The following LSAMP variants were observed in gnomAD, a reference collection of about 807,000 sequenced individuals.
The protein encoded by LSAMP is limbic system-associated membrane protein.
LSAMP carries 7 observed loss-of-function variants against 38.6 expected under a neutral mutation model. The ratio of observed to expected loss-of-function variants is 0.18; its 90% CI spans 0.10 to 0.34. The LOEUF is 0.34. Ranked by LOEUF, LSAMP falls within the 10% of genes least tolerant of loss-of-function variation. The pLI is 1.00. For synonymous variants in LSAMP, 154 were observed against 166.8 expected (o/e 0.92, Z 0.59); for missense variants, 313 against 420.0 (o/e 0.75, Z 2.23).
chr3:116,348,172 A>G (rs2048089012), intron 1 of LSAMP, among the ~76,000 whole-genome samples: 1 of 152,056 alleles, frequency 6.6e-6, no homozygotes, highest in Non-Finnish European at 1.5e-5. Context: ...CAATTTTACA[A>G]TTGAATAAAT....
intron 1 of LSAMP, among the ~76,000 whole-genome samples, chr3:116,207,392 T>C (rs1336408422): frequency 6.6e-6 from 1 of 152,028 alleles, no homozygotes; most frequent in African/African-American, 2.4e-5. Flanking sequence ...TTGGAGCATT[T>C]AGTCCATTTA....
chr3:116,329,076 T>C (rs2047814586), intron 1 of LSAMP, among the ~76,000 whole-genome samples: 1 of 152,118 alleles, frequency 6.6e-6, no homozygotes, highest in Non-Finnish European at 1.5e-5. Context: ...AATTTATAAA[T>C]TATTGGGTAG....
At chr3:116,302,296 T>A (rs2047421049) in intron 1 of LSAMP, among the ~76,000 whole-genome samples, 1 of 152,200 alleles carries the variant, frequency 6.6e-6, no homozygotes. Context: ...CTAACTTTTT[T>A]CCCCCATGAC....
intron 1 of LSAMP, among the ~76,000 whole-genome samples, chr3:116,087,045 A>C (rs772404422): frequency 7.2e-5 from 11 of 152,290 alleles, no homozygotes; most frequent in Admixed American, 2.0e-4. Flanking sequence ...TTTACTTCTA[A>C]TCTTTACAAG....
At chr3:116,217,097 C>G (rs548891142) in intron 1 of LSAMP, among the ~76,000 whole-genome samples, 45 of 152,314 alleles carry the variant, frequency 3.0e-4, no homozygotes, top group South Asian at 1.0e-3. Flanking sequence ...TCTCCAAAGG[C>G]TGTTTTAATT....
At chr3:116,392,343 T>C in intron 1 of LSAMP, among the ~76,000 whole-genome samples, 1 of 152,200 alleles carries the variant, frequency 6.6e-6, no homozygotes, top group East Asian at 1.9e-4. Context: ...CTGCTCCCAC[T>C]GCCTGGCTTC....
chr3:116,290,127 C>G (rs2047244884), intron 1 of LSAMP, among the ~76,000 whole-genome samples: 1 of 152,112 alleles, frequency 6.6e-6, no homozygotes, highest in African/African-American at 2.4e-5. Flanking sequence ...TCTAGAATGG[C>G]ACCTTTGAGT....
In LSAMP at chr3:116,168,360, T is replaced by C. The variant is rs1576407330; in HGVS notation, c.156-81804A>G. ...AGAATCAAAGAACATTCATTTACAT[T>C]TGAAACAAGAGAGAAAAAAAAACCC... On this transcript the variant is annotated intron_variant, in intron 1 of 6. Coordinates refer to ENST00000490035, the MANE Select transcript of LSAMP (RefSeq NM_002338.5). 2.0e-5 allele frequency among the ~76,000 whole-genome samples: 3 copies of C among 152,284 alleles called. No individual in the cohort carries two copies. The South Asian group carries it at 6.2e-4, about 32-fold the overall frequency.
At chr3:116,259,974 T>G (rs1274993460) in intron 1 of LSAMP, among the ~76,000 whole-genome samples, 1 of 152,158 alleles carries the variant, frequency 6.6e-6, no homozygotes, top group African/African-American at 2.4e-5. Context: ...TTCCAGATTC[T>G]CTTTTTCTCT....
At chr3:116,219,213 C>G (rs964249287) in intron 1 of LSAMP, among the ~76,000 whole-genome samples, 4 of 152,162 alleles carry the variant, frequency 2.6e-5, no homozygotes, top group Non-Finnish European at 2.9e-5. Flanking sequence ...ATTTGTCTCT[C>G]TGTGACTGCC....
At chr3:116,289,458 T>C (rs1262300165) in intron 1 of LSAMP, among the ~76,000 whole-genome samples, 1 of 152,206 alleles carries the variant, frequency 6.6e-6, no homozygotes, top group Admixed American at 6.5e-5. Context: ...ATTTACAGCA[T>C]GCCTTAGTTT....
intron 1 of LSAMP, among the ~76,000 whole-genome samples, chr3:116,158,990 A>G (rs1709821947): frequency 6.6e-6 from 1 of 152,200 alleles, no homozygotes; most frequent in African/African-American, 2.4e-5. Flanking sequence ...GACAAAGTCA[A>G]CAAAAACAAG....
chr3:116,273,369 T>C (rs979901392), intron 1 of LSAMP, among the ~76,000 whole-genome samples: 13 of 151,736 alleles, frequency 8.6e-5, no homozygotes, highest in Admixed American at 3.3e-4. Flanking sequence ...AATAGAAAAC[T>C]GAGAGAAGTA....
At chr3:115,822,889 G>T (rs575527213) in intron 6 of LSAMP, among the ~76,000 whole-genome samples, 2 of 152,178 alleles carry the variant, frequency 1.3e-5, no homozygotes, top group East Asian at 1.9e-4. Flanking sequence ...CTTCAGTTTG[G>T]TGCTCTGTCA....
intron 1 of LSAMP, among the ~76,000 whole-genome samples, chr3:116,440,687 A>G (rs959449771): frequency 1.3e-5 from 2 of 152,236 alleles, no homozygotes; most frequent in African/African-American, 2.4e-5. Context: ...TAGATGATAT[A>G]TAGTATGCTA....
intron 3 of LSAMP, among the ~76,000 whole-genome samples, chr3:115,908,313 C>T (rs1937059421): frequency 6.6e-6 from 1 of 152,070 alleles, no homozygotes; most frequent in African/African-American, 2.4e-5. Flanking sequence ...TTACCCTAAA[C>T]TTTACAAAAG....
At chr3:115,961,690 A>G (rs1938630244) in intron 3 of LSAMP, among the ~76,000 whole-genome samples, 1 of 151,778 alleles carries the variant, frequency 6.6e-6, no homozygotes, top group African/African-American at 2.4e-5. Context: ...TCCTTCCTCC[A>G]CTCTCTTCTG....
chr3:115,902,575 A>T (rs1936903906), intron 3 of LSAMP, among the ~76,000 whole-genome samples: 1 of 152,206 alleles, frequency 6.6e-6, no homozygotes, highest in Admixed American at 6.5e-5. Context: ...ATGGGAAAAA[A>T]TATTTGCAAA....
At chr3:116,220,552 G>A (rs1238932877) in intron 1 of LSAMP, among the ~76,000 whole-genome samples, 3 of 152,168 alleles carry the variant, frequency 2.0e-5, no homozygotes, top group African/African-American at 7.2e-5. Flanking sequence ...GACATTTTGA[G>A]TTGCCAAGCA....
Sources: gnomAD v4.1 joint callset for allele counts (sites outside exome capture counted in the v4.1 genomes callset) on GRCh38, gnomAD v4.1.1 for gene constraint, MANE v1.5 for transcripts, NCBI Gene and HGNC (gene_info 2026-07-23, HGNC 2026-07-21) for gene names.